Variants in VPS13B observed in about 807,000 individuals in gnomAD.
The protein encoded by VPS13B is intermembrane lipid transfer protein VPS13B.
A neutral mutation model predicts 426.4 loss-of-function variants in VPS13B; 285 were observed. The observed-to-expected ratio is 0.67, with a 90% CI of 0.61 to 0.74. VPS13B has a LOEUF of 0.74. VPS13B is among the 30% of genes least tolerant of loss of function. VPS13B has a pLI of 0.00. For missense variants in VPS13B, 4,537 were observed against 4,782.6 expected (o/e 0.95, Z 1.51); for synonymous variants, 1,676 against 1,676.4 (o/e 1.00, Z 0.01).
intron 36 of VPS13B, among the ~76,000 whole-genome samples, chr8:99,706,917 G>A (rs1376402859): frequency 6.6e-6 from 1 of 152,108 alleles, no homozygotes; most frequent in African/African-American, 2.4e-5. Context: ...TGTGGTCACA[G>A]GAAATTGCCC....
chr8:99,504,827 C>A (rs2133618296), intron 27 of VPS13B, among the ~76,000 whole-genome samples: 1 of 152,292 alleles, frequency 6.6e-6, no homozygotes, highest in South Asian at 2.1e-4. Context: ...AAGCTTTAAA[C>A]CCAGGCATTG....
chr8:99,552,417 G>GTCATCTGGCAGCACTGTC (rs1197964678), intron 30 of VPS13B, among the ~76,000 whole-genome samples: 5 of 151,870 alleles, frequency 3.3e-5, no homozygotes, highest in Admixed American at 1.3e-4. Context: ...GCCTTTACAT[G>GTCATCTGGCAGCACTGTC]TCATCTGGCA....
At chr8:99,604,621 T>C (rs1827487167) in intron 33 of VPS13B, among the ~76,000 whole-genome samples, 1 of 149,142 alleles carries the variant, frequency 6.7e-6, no homozygotes, top group Non-Finnish European at 1.5e-5. Flanking sequence ...TGCCTCAGCC[T>C]CCTGAGTAGC....
Position 99,384,224 on chromosome 8 carries a change from C to T in VPS13B, c.2841C>T (p.Cys947=). The change falls in exon 20 of 62, where the codon TGC becomes TGT. Residue 947 remains cysteine, a synonymous_variant. Transcript: ENST00000357162. ...YCHNSGAVLL[C]SIQGLAVNID... ...GTCTTTTAGGTGCTGTACTTCTTTG[C>T]AGTATACAAGGACTAGCAGTTAATA... The T allele has an allele frequency of 6.2e-7, 1 of 1,613,806 alleles. No homozygotes were observed. Among genetic ancestry groups the T allele is most frequent in the Non-Finnish European group, 8.5e-7 (1 of 1,179,818 alleles).
chr8:99,786,143 T>C (rs912014610), intron 43 of VPS13B, among the ~76,000 whole-genome samples: 23 of 152,206 alleles, frequency 1.5e-4, no homozygotes, highest in African/African-American at 5.3e-4. Context: ...CTTCATGCTA[T>C]AGACATACAG....
chr8:99,467,459 A>G lies in VPS13B; in HGVS notation c.3491A>G (p.Tyr1164Cys). 6.2e-7 allele frequency: 1 copy of G among 1,613,804 alleles called. No homozygotes were observed. Among genetic ancestry groups the G allele is most frequent in the Non-Finnish European group, 8.5e-7 (1 of 1,179,784 alleles). Residue 1164 changes from tyrosine (Y) to cysteine (C), a missense_variant, in exon 24 of 62, where the codon TAT becomes TGT. Coordinates refer to ENST00000357162, the MANE Select transcript of VPS13B (RefSeq NM_152564.5). ...WTISLHNFSI[Y>C]TLLGKQVTLC... ...ATCAGCTTGCATAATTTCAGCATAT[A>G]TACCCTTCTTGGAAAACAAGTGACA... is the stretch of plus-strand genomic sequence containing the variant.
intron 8 of VPS13B, among the ~76,000 whole-genome samples, chr8:99,130,484 T>A (rs1194176549): frequency 6.6e-6 from 1 of 150,636 alleles, no homozygotes; most frequent in South Asian, 2.1e-4. Context: ...GCCTCCCGGG[T>A]TCACGCCATT....
chr8:99,375,696 CT>C (rs1435010165), intron 19 of VPS13B, among the ~76,000 whole-genome samples: 1 of 152,122 alleles, frequency 6.6e-6, no homozygotes, highest in Non-Finnish European at 1.5e-5. Context: ...GTTTTCTTAA[CT>C]GTTTAGCCAA....
At chr8:99,431,510 T>A (rs1055603373) in intron 21 of VPS13B, 27 bp from the exon 22 acceptor site, 1 of 1,612,010 alleles carries the variant, frequency 6.2e-7, no homozygotes, top group Non-Finnish European at 8.5e-7. Flanking sequence ...ATGTTTCTAT[T>A]AAATAATTAG....
intron 19 of VPS13B, among the ~76,000 whole-genome samples, chr8:99,326,153 T>C (rs1325272110): frequency 6.6e-6 from 1 of 152,122 alleles, no homozygotes; most frequent in East Asian, 1.9e-4. Flanking sequence ...AGTGGAAGTA[T>C]TGGGGAGATA....
intron 3 of VPS13B, among the ~76,000 whole-genome samples, chr8:99,085,390 G>T (rs890781793): frequency 6.6e-6 from 1 of 152,106 alleles, no homozygotes; most frequent in African/African-American, 2.4e-5. Flanking sequence ...ACACTTAATG[G>T]TTCTTGACTC....
intron 17 of VPS13B, among the ~76,000 whole-genome samples, chr8:99,224,084 A>G (rs1815882317): frequency 6.6e-6 from 1 of 152,150 alleles, no homozygotes; most frequent in Admixed American, 6.5e-5. Context: ...TCTTAATAGA[A>G]AGGAAGACTT....
chr8:99,013,798 T>A lies in VPS13B; in HGVS notation c.10T>A (p.Ser4Thr), dbSNP rs781734151. 4.3e-6 allele frequency: 7 copies of A among 1,614,116 alleles called. No individual in the cohort carries two copies. The South Asian group carries it at 7.7e-5, about 18-fold the overall frequency. The change falls in exon 2 of 62, where the codon TCA (serine) becomes ACA (threonine). Residue 4 changes from serine (S) to threonine (T), a missense_variant. Around this residue, in one of 2 missense-constraint regions of VPS13B, gnomAD observed 226 missense variants for 308.3 expected, o/e 0.73. Coordinates refer to ENST00000357162, the MANE Select transcript of VPS13B (RefSeq NM_152564.5). The stretch of plus-strand genomic sequence containing the variant: ...CTCCTTACCTTAAAAGATGCTGGAG[T>A]CATATGTAACTCCAATTTTAATGAG... MLE[S>T]YVTPILMSYV...
chr8:99,640,585 G>A (rs1166969804), intron 33 of VPS13B, among the ~76,000 whole-genome samples: 1 of 152,100 alleles, frequency 6.6e-6, no homozygotes, highest in East Asian at 1.9e-4. Flanking sequence ...TTCACTTCTA[G>A]GAGCCTGTCT....
chr8:99,076,996 C>T (rs1225946768), intron 3 of VPS13B, among the ~76,000 whole-genome samples: 2 of 151,834 alleles, frequency 1.3e-5, no homozygotes, highest in African/African-American at 4.8e-5. Flanking sequence ...TGGTTCCTTT[C>T]TCTTTCTCTT....
chr8:99,058,383 A>G (rs992590066), intron 3 of VPS13B, among the ~76,000 whole-genome samples: 2 of 151,470 alleles, frequency 1.3e-5, no homozygotes, highest in Non-Finnish European at 2.9e-5. Context: ...TATCCATAAT[A>G]TAATTATAAT....
intron 52 of VPS13B, among the ~76,000 whole-genome samples, chr8:99,833,546 C>T (rs534025755): frequency 4.9e-4 from 74 of 152,224 alleles, no homozygotes; most frequent in Non-Finnish European, 8.1e-4. Context: ...ATCCCTCCTT[C>T]GTTCACAGTA....
rs775378782 is a variant in VPS13B, at chr8:99,384,262, T to C, written c.2879T>C (p.Leu960Ser). ...QGLAVNIDPI[L>S]YTWLIYQPQK... is the part of the protein sequence containing the mutation. Reference sequence around the variant, plus strand: ...CTAGCAGTTAATATTGACCCAATCTTATATACGTGGCTCATCTATCAGCCT... The same window carrying C: ...CTAGCAGTTAATATTGACCCAATCTCATATACGTGGCTCATCTATCAGCCT... The change falls in exon 20 of 62, where the codon TTA (leucine) becomes TCA (serine). Residue 960 changes from leucine (L) to serine (S), a missense_variant. Coordinates refer to ENST00000357162, the MANE Select transcript of VPS13B (RefSeq NM_152564.5). 9 of 1,614,026 alleles carry C rather than the reference T, an allele frequency of 5.6e-6. No individual in the cohort carries two copies. The South Asian group carries it at 7.7e-5, about 14-fold the overall frequency.
At chr8:99,836,711 T>C (rs1185902721) in intron 54 of VPS13B, among the ~76,000 whole-genome samples, 6 of 152,220 alleles carry the variant, frequency 3.9e-5, no homozygotes, top group Non-Finnish European at 8.8e-5. Flanking sequence ...GCTACTGTAA[T>C]GGTTACAAAC....
Sources: allele counts gnomAD v4.1 joint callset (sites outside exome capture counted in the v4.1 genomes callset), GRCh38; gene constraint gnomAD v4.1.1; regional missense constraint gnomAD v4.1.1; transcripts MANE v1.5; gene names NCBI Gene and HGNC (gene_info 2026-07-23, HGNC 2026-07-21).